The following DACH2 variants were observed in gnomAD, a reference collection of about 807,000 sequenced individuals.
DACH2 encodes the protein dachshund homolog 2.
Under a neutral mutation model 35.8 loss-of-function variants are expected in DACH2, and 17 were observed. That is an observed-to-expected ratio of 0.48 (90% CI 0.33 to 0.71). DACH2 has a LOEUF of 0.71. Among genes scored for constraint, DACH2 ranks in the 30% least tolerant of loss-of-function variants. The pLI is 0.02. For synonymous variants in DACH2, 195 were observed against 177.3 expected (o/e 1.10, Z -0.79); for missense variants, 469 against 472.7 (o/e 0.99, Z 0.07).
intron 1 of DACH2, among the ~76,000 whole-genome samples, chrX:86,176,074 T>C (rs1404536502): frequency 9.0e-6 from 1 of 111,215 alleles, no homozygotes; most frequent in Non-Finnish European, 1.9e-5. Context: ...TAATAGTATT[T>C]AATTAGAATT....
intron 1 of DACH2, among the ~76,000 whole-genome samples, chrX:86,236,264 A>G (rs1433298497): frequency 2.7e-5 from 3 of 112,573 alleles, no homozygotes; most frequent in African/African-American, 9.7e-5. Flanking sequence ...CCAGGACAAG[A>G]ACTATGTCTT....
intron 2 of DACH2, among the ~76,000 whole-genome samples, chrX:86,413,142 G>A (rs1007364543): frequency 3.6e-5 from 4 of 111,715 alleles, no homozygotes; most frequent in African/African-American, 9.8e-5. Flanking sequence ...CCTCTGGCAT[G>A]CAAATGTCTC....
At chrX:86,329,623 G>A (rs1235496663) in intron 1 of DACH2, among the ~76,000 whole-genome samples, 2 of 111,137 alleles carry the variant, frequency 1.8e-5, no homozygotes, top group Non-Finnish European at 3.8e-5. Context: ...GTGAGCTTTG[G>A]ATTTGGTGGT....
intron 1 of DACH2, among the ~76,000 whole-genome samples, chrX:86,218,954 C>G (rs1192979409): frequency 4.5e-5 from 5 of 111,625 alleles, no homozygotes; most frequent in Non-Finnish European, 9.4e-5. Context: ...CTTTAATATC[C>G]TGATAAAGCC....
intron 1 of DACH2, among the ~76,000 whole-genome samples, chrX:86,274,451 C>CTTTTTTTTTTTTTTTTTTTT (rs1160584218): frequency 3.2e-5 from 1 of 31,320 alleles, no homozygotes; most frequent in Admixed American, 5.4e-4. Flanking sequence ...ACATTAAATC[C>CTTTTTTTTTTTTTTTTTTTT]TTTTTTTTTT....
At chrX:86,473,147 C>T (rs2037786734) in intron 2 of DACH2, among the ~76,000 whole-genome samples, 1 of 111,134 alleles carries the variant, frequency 9.0e-6, no homozygotes, top group African/African-American at 3.3e-5. Flanking sequence ...AGCGTTTATC[C>T]TTTGTGTTAA....
At chrX:86,788,248 G>C (rs1346948572) in intron 7 of DACH2, among the ~76,000 whole-genome samples, 1 of 110,899 alleles carries the variant, frequency 9.0e-6, no homozygotes, top group African/African-American at 3.3e-5. Context: ...TACTCGCCCA[G>C]CTCCTGAGAT....
chrX:86,764,622 G>A (rs2041914365), intron 7 of DACH2, among the ~76,000 whole-genome samples: 1 of 111,342 alleles, frequency 9.0e-6, no homozygotes, highest in Admixed American at 9.6e-5. Flanking sequence ...TCTTTATCCA[G>A]TTGACTGTTG....
chrX:86,640,396 G>A (rs1423989209), intron 3 of DACH2, among the ~76,000 whole-genome samples: 1 of 111,478 alleles, frequency 9.0e-6, no homozygotes, highest in Non-Finnish European at 1.9e-5. Flanking sequence ...TCTCCCCCAT[G>A]CCCCACACAA....
chrX:86,199,530 A>C (rs1232761509), intron 1 of DACH2, among the ~76,000 whole-genome samples: 1 of 112,034 alleles, frequency 8.9e-6, no homozygotes, highest in Non-Finnish European at 1.9e-5. Context: ...GTCTCAGCCC[A>C]AAAGCTCTTT....
At chrX:86,218,828 T>C (rs1221990615) in intron 1 of DACH2, among the ~76,000 whole-genome samples, 1 of 111,960 alleles carries the variant, frequency 8.9e-6, no homozygotes, top group Non-Finnish European at 1.9e-5. Context: ...TCAATGTTTA[T>C]GCTTAAAGGG....
intron 2 of DACH2, among the ~76,000 whole-genome samples, chrX:86,393,512 A>G (rs1032328613): frequency 1.8e-5 from 2 of 112,252 alleles, no homozygotes; most frequent in African/African-American, 6.5e-5. Context: ...TGGCTGTGGT[A>G]ATAAAGAGAA....
intron 5 of DACH2, among the ~76,000 whole-genome samples, chrX:86,708,111 G>GA (rs1457052670): frequency 1.8e-5 from 2 of 108,376 alleles, no homozygotes; most frequent in Non-Finnish European, 1.9e-5. Flanking sequence ...AAAACTCTTA[G>GA]AAAAAAATAG....
chrX:86,440,200 A>G (rs917856007), intron 2 of DACH2, among the ~76,000 whole-genome samples: 16 of 111,477 alleles, frequency 1.4e-4, no homozygotes, highest in African/African-American at 5.2e-4. Context: ...AGATCTGTCC[A>G]TATCTGATAG....
chrX:86,243,539 AT>A (rs949181303), intron 1 of DACH2, among the ~76,000 whole-genome samples: 12 of 110,255 alleles, frequency 1.1e-4, no homozygotes, highest in Admixed American at 6.8e-4. Flanking sequence ...TGTAAGAGAG[AT>A]TTTTTTTTCT....
At chrX:86,603,412 G>A (rs774786991) in intron 3 of DACH2, among the ~76,000 whole-genome samples, 11 of 108,470 alleles carry the variant, frequency 1.0e-4, no homozygotes, top group East Asian at 5.9e-4. Context: ...TGTCCTTTTC[G>A]CATGCAAAAT....
intron 2 of DACH2, among the ~76,000 whole-genome samples, chrX:86,419,350 T>G (rs1028044621): frequency 4.5e-5 from 5 of 112,328 alleles, no homozygotes; most frequent in African/African-American, 1.3e-4. Context: ...AGAGGTTTAT[T>G]GGACTTACAG....
intron 3 of DACH2, among the ~76,000 whole-genome samples, chrX:86,624,280 A>C (rs1310249573): frequency 1.8e-5 from 2 of 111,207 alleles, no homozygotes; most frequent in Non-Finnish European, 3.8e-5. Context: ...GAACTTTCTA[A>C]CATTCCTATG....
chrX:86,460,582 AT>A (rs2037554119), intron 2 of DACH2, among the ~76,000 whole-genome samples: 1 of 111,195 alleles, frequency 9.0e-6, no homozygotes, highest in Admixed American at 9.6e-5. Context: ...AGCATATAAA[AT>A]TAGCTATTTT....
Sources: allele counts gnomAD v4.1 joint callset (sites outside exome capture counted in the v4.1 genomes callset), GRCh38; gene constraint gnomAD v4.1.1; transcripts MANE v1.5; gene names NCBI Gene and HGNC (gene_info 2026-07-23, HGNC 2026-07-21).